Variants in SNX24 observed in about 807,000 individuals in gnomAD.
SNX24 encodes the protein sorting nexin-24.
In SNX24, 22 loss-of-function variants were observed where a neutral mutation model predicts 28.7. The observed-to-expected ratio is 0.77, with a 90% CI of 0.55 to 1.10. The LOEUF (loss-of-function observed/expected upper bound fraction) is 1.10. SNX24 is among the 50% of genes least tolerant of loss of function. SNX24 has a pLI of 0.00. For missense variants in SNX24, 221 were observed against 201.1 expected, an observed-to-expected ratio of 1.10 and a Z score of -0.60; for synonymous variants, 69 against 71.5, an observed-to-expected ratio of 0.96 and a Z score of 0.18.
At chr5:122,929,458 A>G (rs967372877) in intron 1 of SNX24, among the ~76,000 whole-genome samples, 1 of 152,224 alleles carries the variant, frequency 6.6e-6, no homozygotes, top group African/African-American at 2.4e-5. Flanking sequence ...TTTAGAGACA[A>G]CGTTGCCTTA....
chr5:123,016,036 T>A (rs2150185768), intron 5 of SNX24, among the ~76,000 whole-genome samples: 1 of 152,354 alleles, frequency 6.6e-6, no homozygotes, highest in Middle Eastern at 3.4e-3. Flanking sequence ...GTAACTTTTC[T>A]TCATCACAGC....
intron 1 of SNX24, among the ~76,000 whole-genome samples, chr5:122,902,732 T>C (rs1331193805): frequency 6.6e-6 from 1 of 152,174 alleles, no homozygotes; most frequent in African/African-American, 2.4e-5. Context: ...GACCCTGTCA[T>C]GCTTAAGTTA....
intron 1 of SNX24, among the ~76,000 whole-genome samples, chr5:122,935,501 T>C (rs1158635499): frequency 1.3e-5 from 2 of 152,126 alleles, no homozygotes; most frequent in African/African-American, 4.8e-5. Context: ...AAACAAAATA[T>C]AAAATATTGA....
chr5:122,963,930 T>G (rs912119881), intron 3 of SNX24, among the ~76,000 whole-genome samples: 1 of 152,166 alleles, frequency 6.6e-6, no homozygotes, highest in East Asian at 1.9e-4. Context: ...AATAATTTTC[T>G]GTAATTCATC....
intron 1 of SNX24, among the ~76,000 whole-genome samples, chr5:122,895,159 G>C (rs1433043694): frequency 2.0e-5 from 3 of 151,088 alleles, no homozygotes; most frequent in African/African-American, 7.3e-5. Flanking sequence ...AAATATACAT[G>C]GTTGCACAGC....
chr5:122,889,775 A>G (rs1364943485), intron 1 of SNX24, among the ~76,000 whole-genome samples: 1 of 148,352 alleles, frequency 6.7e-6, no homozygotes, highest in Non-Finnish European at 1.5e-5. Context: ...TTCTCCCTTC[A>G]TTTTTTCATT....
intron 1 of SNX24, among the ~76,000 whole-genome samples, chr5:122,906,256 A>G (rs72796879): frequency 1.8e-3 from 269 of 152,304 alleles, no homozygotes; most frequent in Admixed American, 3.1e-3. Context: ...TTAGCACCCC[A>G]TACCTGGCTC....
At chr5:122,934,502 G>A (rs1199869206) in intron 1 of SNX24, among the ~76,000 whole-genome samples, 2 of 152,088 alleles carry the variant, frequency 1.3e-5, no homozygotes, top group African/African-American at 4.8e-5. Context: ...TGGATCTACA[G>A]GCACACACCA....
intron 1 of SNX24, among the ~76,000 whole-genome samples, chr5:122,914,156 GTGGTTTTTGTCTT>G (rs1282820241): frequency 2.0e-5 from 3 of 152,160 alleles, no homozygotes; most frequent in African/African-American, 7.2e-5. Flanking sequence ...AGAGGGTCAT[GTGGTTTTTGTCTT>G]TGGTTCTGTT....
At chr5:122,895,755 T>G (rs1757172952) in intron 1 of SNX24, among the ~76,000 whole-genome samples, 1 of 152,248 alleles carries the variant, frequency 6.6e-6, no homozygotes, top group Non-Finnish European at 1.5e-5. Context: ...TTCTGCTTAT[T>G]TGAGCCATAA....
At chr5:122,963,640 T>C (rs1198425101) in intron 3 of SNX24, among the ~76,000 whole-genome samples, 1 of 152,200 alleles carries the variant, frequency 6.6e-6, no homozygotes, top group African/African-American at 2.4e-5. Flanking sequence ...TTGATTAGTA[T>C]TTTATCAGAT....
intron 4 of SNX24, among the ~76,000 whole-genome samples, chr5:123,000,869 A>G (rs1762221611): frequency 6.6e-6 from 1 of 152,172 alleles, no homozygotes; most frequent in Non-Finnish European, 1.5e-5. Context: ...ACACTTAACT[A>G]CAAGAAAATC....
intron 3 of SNX24, among the ~76,000 whole-genome samples, chr5:122,959,886 T>G (rs1460592462): frequency 6.6e-6 from 1 of 152,128 alleles, no homozygotes; most frequent in Non-Finnish European, 1.5e-5. Flanking sequence ...ACATAGAGGC[T>G]TAATGACATG....
intron 3 of SNX24, among the ~76,000 whole-genome samples, chr5:122,966,860 T>A (rs1760736069): frequency 6.6e-6 from 1 of 152,200 alleles, no homozygotes; most frequent in African/African-American, 2.4e-5. Context: ...GTAGCTACCA[T>A]TTTTTCCTCA....
intron 1 of SNX24, among the ~76,000 whole-genome samples, chr5:122,861,817 G>C (rs71594309): frequency 0.026 from 3,993 of 151,966 alleles, 70 homozygotes; most frequent in Non-Finnish European, 0.037. Context: ...TAGGTGAATT[G>C]AATCTCACCA....
chr5:122,855,333 G>T (rs138224748), intron 1 of SNX24, among the ~76,000 whole-genome samples: 1 of 152,130 alleles, frequency 6.6e-6, no homozygotes, highest in Non-Finnish European at 1.5e-5. Context: ...CTCCCAAAGT[G>T]CTGGGATTAC....
At chr5:122,979,926 G>A (rs1014579996) in intron 3 of SNX24, among the ~76,000 whole-genome samples, 3 of 152,152 alleles carry the variant, frequency 2.0e-5, no homozygotes, top group African/African-American at 7.2e-5. Context: ...TTCCTTAATA[G>A]GTAGTTGCAG....
intron 2 of SNX24, among the ~76,000 whole-genome samples, chr5:122,944,871 G>C (rs1038873300): frequency 1.3e-5 from 2 of 152,038 alleles, no homozygotes; most frequent in African/African-American, 4.8e-5. Flanking sequence ...TTCTGTGCAT[G>C]TGTAGTAAAG....
chr5:122,863,644 A>C (rs902636621), intron 1 of SNX24, among the ~76,000 whole-genome samples: 1 of 151,988 alleles, frequency 6.6e-6, no homozygotes, highest in Non-Finnish European at 1.5e-5. Flanking sequence ...GTGATCCTCC[A>C]GCAGGATCAC....
Sources: gnomAD v4.1 joint callset for allele counts (sites outside exome capture counted in the v4.1 genomes callset) on GRCh38, gnomAD v4.1.1 for gene constraint, MANE v1.5 for transcripts, NCBI Gene and HGNC (gene_info 2026-07-23, HGNC 2026-07-21) for gene names.